Variants in SYBU observed in about 807,000 individuals in gnomAD.
SYBU encodes the protein syntabulin.
In SYBU, 21 loss-of-function variants were observed where a neutral mutation model predicts 35.9. The observed-to-expected ratio is 0.58, with a 90% CI of 0.41 to 0.84. The LOEUF (loss-of-function observed/expected upper bound fraction) is 0.84. Ranked by LOEUF, SYBU falls within the 40% of genes least tolerant of loss-of-function variation. The pLI is 0.00. For synonymous variants in SYBU, 319 were observed against 324.3 expected, an observed-to-expected ratio of 0.98 and a Z score of 0.18; for missense variants, 768 against 848.2, an observed-to-expected ratio of 0.91 and a Z score of 1.17.
chr8:109,622,967 A>C (rs1185142792), intron 2 of SYBU, among the ~76,000 whole-genome samples: 2 of 152,328 alleles, frequency 1.3e-5, no homozygotes, highest in East Asian at 3.9e-4. Context: ...TTAGGGAAGA[A>C]GATGTAGAAG....
At chr8:109,658,135 G>A (rs1816423479) in intron 1 of SYBU, among the ~76,000 whole-genome samples, 1 of 152,148 alleles carries the variant, frequency 6.6e-6, no homozygotes, top group Non-Finnish European at 1.5e-5. Flanking sequence ...GGAAGACAGT[G>A]CCAGATCTAA....
chr8:109,575,425 G>A lies in SYBU; in HGVS notation c.1473C>T (p.Asp491=), dbSNP rs543114252. The A allele has an allele frequency of 1.9e-5, 30 of 1,614,094 alleles. No individual in the cohort carries two copies. Among genetic ancestry groups the A allele is most frequent in the Admixed American group, 1.8e-4 (11 of 60,018 alleles). Residue 491 remains aspartate (D), a synonymous_variant, in exon 7 of 7, where the codon GAC becomes GAT. Transcript: ENST00000276646. Reference sequence around the variant, plus strand: ...AGATGGCTGGGCTGTAGGGCACCACGTCGGTCTGAACGGCTCGCTCCACCA... The same window carrying A: ...AGATGGCTGGGCTGTAGGGCACCACATCGGTCTGAACGGCTCGCTCCACCA... ...SVVVERAVQT[D]VVPYSPAISE...
intron 2 of SYBU, among the ~76,000 whole-genome samples, chr8:109,623,224 C>A (rs187842809): frequency 1.2e-4 from 18 of 152,116 alleles, no homozygotes; most frequent in African/African-American, 4.3e-4. Context: ...CCTCCTTAGA[C>A]GGGTCCAAGA....
chr8:109,580,763 C>T (rs1822936120), intron 4 of SYBU: 1 of 152,628 alleles, frequency 6.6e-6, no homozygotes, highest in African/African-American at 2.4e-5. Context: ...AGAACAAAGG[C>T]CAGCCTCCTT....
At chr8:109,617,606 T>C (rs890135212) in intron 3 of SYBU, among the ~76,000 whole-genome samples, 2 of 152,364 alleles carry the variant, frequency 1.3e-5, no homozygotes, top group Admixed American at 1.3e-4. Context: ...ATTGTCTCTT[T>C]CTTAAATATC....
At chr8:109,606,478 C>A (rs1826079119) in intron 3 of SYBU, among the ~76,000 whole-genome samples, 1 of 152,010 alleles carries the variant, frequency 6.6e-6, no homozygotes, top group Non-Finnish European at 1.5e-5. Context: ...CCATACTATG[C>A]TGGTTTTTAG....
At chr8:109,616,150 T>C (rs1260817317) in intron 3 of SYBU, among the ~76,000 whole-genome samples, 1 of 151,756 alleles carries the variant, frequency 6.6e-6, no homozygotes. Flanking sequence ...TAGCTGGGAT[T>C]ACAGGTACAC....
At chr8:109,597,224 C>T (rs745414535) in intron 3 of SYBU, among the ~76,000 whole-genome samples, 6 of 152,190 alleles carry the variant, frequency 3.9e-5, no homozygotes, top group Non-Finnish European at 4.4e-5. Context: ...CATACAACCT[C>T]ATCGAGGGAG....
intron 2 of SYBU, among the ~76,000 whole-genome samples, chr8:109,629,421 G>C (rs567728821): frequency 1.3e-5 from 2 of 152,268 alleles, no homozygotes; most frequent in African/African-American, 4.8e-5. Context: ...TTGTCATCCT[G>C]ATTGGCAGGG....
chr8:109,606,062 A>C (rs1367499668), intron 3 of SYBU, among the ~76,000 whole-genome samples: 1 of 152,218 alleles, frequency 6.6e-6, no homozygotes, highest in Non-Finnish European at 1.5e-5. Context: ...ACAAAGTCAC[A>C]CATTTGAAAA....
intron 3 of SYBU, among the ~76,000 whole-genome samples, chr8:109,590,605 G>C (rs189293746): frequency 8.5e-4 from 129 of 152,076 alleles, no homozygotes; most frequent in Non-Finnish European, 1.3e-3. Context: ...CAAACTTAAA[G>C]TATTTAGAAG....
intron 1 of SYBU, 133 bp from the exon 2 acceptor site, chr8:109,643,065 T>G: frequency 7.2e-7 from 1 of 1,382,632 alleles, no homozygotes; most frequent in Non-Finnish European, 9.3e-7. Context: ...GTAGTCCTTC[T>G]TATCTCAGTT....
chr8:109,691,286 G>GGGTAGCTGGGATTACAGGC lies in SYBU; in HGVS notation c.-58+46_-58+47insGCCTGTAATCCCAGCTACC, dbSNP rs1817638750. On this transcript the variant is annotated intron_variant, in intron 1 of 7. Transcript: ENST00000422135. The surrounding 1 kb of genome is among the most constrained non-coding windows in gnomAD (Gnocchi z 4.7). ...CGAAGACCATCAGTTGCCCTCCCGTGTCCGCGGGCACTGACAGCAGAGACC... is the reference window on the plus strand; with the variant it reads ...CGAAGACCATCAGTTGCCCTCCCGTGGGTAGCTGGGATTACAGGCTCCGCGGGCACTGACAGCAGAGACC... The GGGTAGCTGGGATTACAGGC allele has an allele frequency of 1.4e-6, 1 of 697,438 alleles. No individual in the cohort carries two copies. Among genetic ancestry groups the GGGTAGCTGGGATTACAGGC allele is most frequent in the African/African-American group, 1.8e-5 (1 of 56,454 alleles). The allele number at this position is 697,438 out of a possible 1,614,324, so 43.2% of individuals were successfully genotyped here.
chr8:109,591,490 T>C (rs1165318179), intron 3 of SYBU, among the ~76,000 whole-genome samples: 1 of 150,588 alleles, frequency 6.6e-6, no homozygotes, highest in African/African-American at 2.4e-5. Context: ...CATTTTTTCC[T>C]TTTAAAAAAA....
intron 6 of SYBU, among the ~76,000 whole-genome samples, chr8:109,576,929 G>A (rs1301780448): frequency 6.6e-6 from 1 of 151,872 alleles, no homozygotes; most frequent in African/African-American, 2.4e-5. Flanking sequence ...TTCCTTCCTC[G>A]AGTGCTCCAA....
chr8:109,690,217 TAAAA>T (rs35259194), intron 1 of SYBU, among the ~76,000 whole-genome samples: 71 of 151,498 alleles, frequency 4.7e-4, no homozygotes, highest in African/African-American at 1.6e-3. Flanking sequence ...CTGAAGCATA[TAAAA>T]AAAAATGATT....
rs920235783 is a variant in SYBU at position 109,644,762 on chromosome 8, C to T, written c.-103G>A. On this transcript the variant is annotated 5_prime_UTR_variant, in exon 1 of 7. Transcript: ENST00000276646. ...GACTGCGCTGAGCCGGCGCGGGCTG[C>T]GGGCGGCGGCTCTTGGTGAGGCTCC... 19 of 1,174,404 alleles carry T rather than the reference C, an allele frequency of 1.6e-5. No individual in the cohort carries two copies. In the East Asian group the frequency reaches 5.6e-4, roughly 34 times the overall value. 72.7% of individuals were successfully genotyped at this position (1,174,404 alleles called of 1,614,324 possible).
intron 1 of SYBU, among the ~76,000 whole-genome samples, chr8:109,656,115 CAAA>C (rs57337373): frequency 0.063 from 9,132 of 144,078 alleles, 800 homozygotes; most frequent in African/African-American, 0.19. Context: ...GACTCCGTCT[CAAA>C]AAAAAAAAAA....
At chr8:109,662,802 C>G (rs1315311716) in intron 1 of SYBU, among the ~76,000 whole-genome samples, 1 of 152,108 alleles carries the variant, frequency 6.6e-6, no homozygotes, top group Non-Finnish European at 1.5e-5. Context: ...AGTATAGGTT[C>G]CACAAAATTT....
Sources: allele counts gnomAD v4.1 joint callset (sites outside exome capture counted in the v4.1 genomes callset), GRCh38; gene constraint gnomAD v4.1.1; non-coding constraint Gnocchi (gnomAD v3.1); transcripts MANE v1.5; gene names NCBI Gene and HGNC (gene_info 2026-07-23, HGNC 2026-07-21).